PLEKHM2: variants seen among roughly 807,000 people sequenced by gnomAD.
PLEKHM2 encodes pleckstrin homology and RUN domain containing M2, also known as pleckstrin homology domain-containing family M member 2.
In PLEKHM2, 77 loss-of-function variants were observed where a neutral mutation model predicts 116.3. The ratio of observed to expected loss-of-function variants is 0.66; its 90% CI spans 0.55 to 0.80. The LOEUF (loss-of-function observed/expected upper bound fraction) is 0.80. PLEKHM2 is among the 30% of genes least tolerant of loss of function. The pLI is 0.00. For synonymous variants in PLEKHM2, 562 were observed against 571.0 expected, an observed-to-expected ratio of 0.98 and a Z score of 0.22; for missense variants, 1,183 against 1,354.9, an observed-to-expected ratio of 0.87 and a Z score of 1.99.
rs753778128 is a variant in PLEKHM2 at position 15,727,733 on chromosome 1, A to C, written c.1661A>C (p.Lys554Thr). The C allele has an allele frequency of 6.2e-7, 1 of 1,600,802 alleles. No individual in the cohort carries two copies. The highest frequency in any genetic ancestry group is 8.5e-7 in the Non-Finnish European group (1 of 1,174,638). ...PGTQEVLCQL[K>T]RDQPSPCLSS... ...ACCCAGGAGGTTCTCTGCCAGCTCA[A>C]GCGAGACCAGCCCAGCCCGTGTCTG... Residue 554 changes from lysine to threonine, a missense_variant, in exon 9 of 20, where the codon AAG (lysine) becomes ACG (threonine). Lys to Thr is a moderately conservative substitution (Grantham distance 78). Transcript: ENST00000375799. The surrounding 1 kb of genome is among the most constrained non-coding windows in gnomAD (Gnocchi z 7.5).
At chr1:15,725,825 C>G in intron 8 of PLEKHM2, 1 of 472,568 alleles carries the variant, frequency 2.1e-6, no homozygotes, top group Non-Finnish European at 3.9e-6. Flanking sequence ...GTCAGGGTGC[C>G]GGTGTGGCCA....
Position 15,728,123 on chromosome 1 carries a change from G to A in PLEKHM2, c.1805G>A (p.Arg602Gln), listed in dbSNP as rs933578223. 1.8e-5 allele frequency: 29 copies of A among 1,611,174 alleles called. No homozygotes were observed. The highest frequency in any genetic ancestry group is 2.3e-5 in the Non-Finnish European group (27 of 1,178,716). The part of the protein sequence containing the change: ...HLLLLMIHVF[R>Q]ENEEQLFKMI... ...CTCCTGCTCATGATCCACGTGTTCCGAGAAAACGAAGAGCAGCTGTTCAAA... is the reference window on the plus strand; with the variant it reads ...CTCCTGCTCATGATCCACGTGTTCCAAGAAAACGAAGAGCAGCTGTTCAAA... Residue 602 changes from arginine (R) to glutamine (Q), a missense_variant, in exon 10 of 20, where the codon CGA becomes CAA. This residue lies in a region of PLEKHM2 where 594 missense variants were observed against 720.1 expected (regional missense o/e 0.82). Coordinates refer to ENST00000375799, the MANE Select transcript of PLEKHM2 (RefSeq NM_015164.4). The surrounding 1 kb of genome is among the most constrained non-coding windows in gnomAD (Gnocchi z 5.9).
chr1:15,708,459 C>A (rs527764798), intron 1 of PLEKHM2, among the ~76,000 whole-genome samples: 1 of 152,160 alleles, frequency 6.6e-6, no homozygotes, highest in Non-Finnish European at 1.5e-5. Flanking sequence ...TTGTGATCCA[C>A]CTGCCTCGGC....
Position 15,721,364 on chromosome 1 carries a change from T to C in PLEKHM2, c.688T>C (p.Ser230Pro). ...DFGDVFPAVP[S>P]VPSTDWEDGD... Reference sequence around the variant, plus strand: ...TGGAGATGTGTTTCCAGCAGTGCCGTCTGTACCCAGCACAGACTGGGAAGG... The same window carrying C: ...TGGAGATGTGTTTCCAGCAGTGCCGCCTGTACCCAGCACAGACTGGGAAGG... The change falls in exon 7 of 20, where the codon TCT (serine) becomes CCT (proline). Residue 230 changes from serine to proline, a missense_variant. Physicochemically the swap from Ser to Pro is moderately conservative, Grantham distance 74. Coordinates refer to ENST00000375799, the MANE Select transcript of PLEKHM2 (RefSeq NM_015164.4). The surrounding 1 kb of genome is among the most constrained non-coding windows in gnomAD (Gnocchi z 5.1). The C allele has an allele frequency of 6.4e-7, 1 of 1,571,448 alleles. No individual in the cohort carries two copies. The highest frequency in any genetic ancestry group is 1.9e-5 in the Admixed American group (1 of 53,364).
In PLEKHM2 at chr1:15,732,406, G is replaced by A. The variant is rs747586804; in HGVS notation, c.2682G>A (p.Thr894=). Residue 894 remains threonine (T), a synonymous_variant, in exon 18 of 20, where the codon ACG becomes ACA. Transcript: ENST00000375799. ...GCATACCCTGCTGCCTGGTCCTCAC[G>A]GATGACCGCCTCTTTACGTGCCATG... The part of the protein sequence containing the change: ...SPCIPCCLVL[T]DDRLFTCHED... The A allele has an allele frequency of 4.5e-6, 7 of 1,570,418 alleles. No homozygotes were observed. The highest frequency in any genetic ancestry group is 1.4e-5 in the African/African-American group (1 of 74,066).
rs1641445103 is a variant in PLEKHM2, at chr1:15,716,304, A to T, written c.128A>T (p.Gln43Leu). 1 of 1,607,482 alleles carries T rather than the reference A, an allele frequency of 6.2e-7. No individual in the cohort carries two copies. The highest frequency in any genetic ancestry group is 8.5e-7 in the Non-Finnish European group (1 of 1,176,910). Residue 43 changes from glutamine (Q) to leucine (L), a missense_variant, in exon 2 of 20, where the codon CAG (glutamine) becomes CTG (leucine). Transcript: ENST00000375799. Reference protein sequence around the residue: ...PAIRNHDKVLQRLCEHLDHAL... With the variant: ...PAIRNHDKVLLRLCEHLDHAL... ...ATCCGGAACCATGACAAGGTCCTAC[A>T]GCGTCTGTGTGAGCACCTGGACCAC...
chr1:15,718,691 G>T, intron 5 of PLEKHM2, 66 bp downstream of exon 5: 1 of 715,146 alleles, frequency 1.4e-6, no homozygotes. Context: ...GGCAGGGTGG[G>T]CGGTGGCTTC....
chr1:15,711,317 A>G (rs1571043499), intron 1 of PLEKHM2, among the ~76,000 whole-genome samples: 1 of 152,200 alleles, frequency 6.6e-6, no homozygotes, highest in African/African-American at 2.4e-5. Context: ...ACTATAAAAG[A>G]AAAAAGGCAC....
intron 1 of PLEKHM2, among the ~76,000 whole-genome samples, chr1:15,693,462 G>T (rs968092830): frequency 1.3e-5 from 2 of 152,180 alleles, no homozygotes; most frequent in Admixed American, 1.3e-4. Flanking sequence ...GAACAACCTG[G>T]GCTCGCTCTC....
chr1:15,731,146 C>T, intron 15 of PLEKHM2, 46 bp from the exon 16 acceptor site: 10 of 1,440,834 alleles, frequency 6.9e-6, no homozygotes, highest in Non-Finnish European at 9.6e-6. Context: ...CGCCTGGCCC[C>T]AGTTCCTGGG....
upstream of PLEKHM2, chr1:15,681,530 G>A (rs764408149): frequency 1.5e-5 from 7 of 469,868 alleles, no homozygotes; most frequent in African/African-American, 3.9e-5. Flanking sequence ...CTCAGCAGAA[G>A]ATGGCCTGCT....
In PLEKHM2 at chr1:15,729,984, C is replaced by T. The variant is rs75538389; in HGVS notation, c.2208+55C>T. On this transcript the variant is annotated intron_variant, in intron 14 of 19. Coordinates refer to ENST00000375799, the MANE Select transcript of PLEKHM2 (RefSeq NM_015164.4). This position sits in a 1 kb window ranked among gnomAD's most constrained non-coding sequence, Gnocchi z 4.7. Reference sequence around the variant, plus strand: ...GCCCCTGAGATGGCAGAGCAGCAGCCGCCTTGGCGTGAGCGTTAAGGGATG... The same window carrying T: ...GCCCCTGAGATGGCAGAGCAGCAGCTGCCTTGGCGTGAGCGTTAAGGGATG... 4,063 of 1,433,856 alleles carry T rather than the reference C, an allele frequency of 2.8e-3. 100 individuals are homozygous for T. The African/African-American group carries it at 0.051, about 18-fold the overall frequency. The allele number at this position is 1,433,856 out of a possible 1,614,324, so 88.8% of individuals were successfully genotyped here.
intron 1 of PLEKHM2, among the ~76,000 whole-genome samples, chr1:15,714,657 C>T (rs1641405991): frequency 1.3e-5 from 2 of 152,198 alleles, no homozygotes; most frequent in Admixed American, 1.3e-4. Context: ...TCCAGGAGCA[C>T]ATGCTTGTTG....
upstream of PLEKHM2, among the ~76,000 whole-genome samples, chr1:15,682,497 T>C (rs537970814): frequency 2.6e-4 from 40 of 151,122 alleles, no homozygotes; most frequent in Non-Finnish European, 5.7e-4. Context: ...CATGCACTTG[T>C]AGTCCCAGCT....
chr1:15,733,108 G>T (rs887698984), intron 19 of PLEKHM2, among the ~76,000 whole-genome samples: 5 of 152,266 alleles, frequency 3.3e-5, no homozygotes, highest in African/African-American at 1.2e-4. Flanking sequence ...GTGATTGAGG[G>T]TGGCCTGGCA....
Position 15,720,315 on chromosome 1 carries a change from AAGG to A in PLEKHM2, c.652+399_652+401del, listed in dbSNP as rs1178200768. 5 of 984,764 alleles carry A rather than the reference AAGG, an allele frequency of 5.1e-6. No individual in the cohort carries two copies. In the African/African-American group the frequency reaches 8.8e-5, roughly 17 times the overall value. The allele number at this position is 984,764 out of a possible 1,614,324, so 61.0% of individuals were successfully genotyped here. On this transcript the variant is annotated intron_variant, in intron 6 of 19. Transcript: ENST00000375799. ...TTGTCTGACCCCACATTCTTTGCAG[AAGG>A]AGGTTAAGCAACCCCTAGAAGAAGA... is the stretch of plus-strand genomic sequence containing the variant.
Position 15,725,449 on chromosome 1 carries a change from C to T in PLEKHM2, c.845C>T (p.Ser282Phe). Residue 282 changes from serine to phenylalanine, a missense_variant, in exon 8 of 20, where the codon TCC (serine) becomes TTC (phenylalanine). Physicochemically the swap from Ser to Phe is radical, Grantham distance 155. Around this residue, in one of 3 missense-constraint regions of PLEKHM2, gnomAD observed 372 missense variants for 357.2 expected, o/e 1.04. Transcript: ENST00000375799. The stretch of plus-strand genomic sequence containing the variant: ...GAGGAGCCGGCAGAGACTGTGTCCT[C>T]CTCTGACACCACCCCCGTGCACACC... Reference protein sequence around the residue: ...FNEEPAETVSSSDTTPVHTTS... With the variant: ...FNEEPAETVSFSDTTPVHTTS... The T allele has an allele frequency of 6.4e-7, 1 of 1,570,648 alleles. No homozygotes were observed. The highest frequency in any genetic ancestry group is 1.2e-5 in the South Asian group (1 of 85,170).
At chr1:15,692,999 A>G (rs575383098) in intron 1 of PLEKHM2, among the ~76,000 whole-genome samples, 3 of 150,424 alleles carry the variant, frequency 2.0e-5, no homozygotes, top group African/African-American at 7.3e-5. Context: ...TTGGCCTCCC[A>G]AAGTGCTGGG....
intron 1 of PLEKHM2, among the ~76,000 whole-genome samples, chr1:15,708,437 G>A (rs950599338): frequency 6.7e-6 from 1 of 149,302 alleles, no homozygotes; most frequent in Non-Finnish European, 1.5e-5. Context: ...GAATGGTCTC[G>A]ATCTCTTGAC....
Sources: gnomAD v4.1 joint callset for allele counts (sites outside exome capture counted in the v4.1 genomes callset) on GRCh38, gnomAD v4.1.1 for gene constraint, gnomAD v4.1.1 regional missense constraint, Gnocchi (gnomAD v3.1) non-coding constraint, MANE v1.5 for transcripts, NCBI Gene and HGNC (gene_info 2026-07-23, HGNC 2026-07-21) for gene names.